The following RNF180 variants were observed in gnomAD, a reference collection of about 807,000 sequenced individuals.
The protein encoded by RNF180 is ring finger protein 180, also known as E3 ubiquitin-protein ligase RNF180.
RNF180 carries 38 observed loss-of-function variants against 59.2 expected under a neutral mutation model. That is an observed-to-expected ratio of 0.64 (90% CI 0.50 to 0.84). The LOEUF is 0.84. Ranked by LOEUF, RNF180 falls within the 40% of genes least tolerant of loss-of-function variation. The pLI, the probability that RNF180 is intolerant of heterozygous loss-of-function variation, is 0.00. For synonymous variants in RNF180, 262 were observed against 240.3 expected, an observed-to-expected ratio of 1.09 and a Z score of -0.84; for missense variants, 705 against 700.9, an observed-to-expected ratio of 1.01 and a Z score of -0.07.
chr5:64,365,928 TTGCCAAGCTG>T (rs1337002894), intron 7 of RNF180, among the ~76,000 whole-genome samples: 2 of 151,608 alleles, frequency 1.3e-5, no homozygotes, highest in African/African-American at 4.8e-5. Context: ...TTTATACAGC[TTGCCAAGCTG>T]TGCCTTTTTT....
At chr5:64,262,147 G>A (rs900604635) in intron 5 of RNF180, among the ~76,000 whole-genome samples, 13 of 151,978 alleles carry the variant, frequency 8.6e-5, no homozygotes, top group Non-Finnish European at 1.9e-4. Flanking sequence ...CCTTTGCAGT[G>A]GTAACTTACT....
At chr5:64,356,922 G>A (rs1027675534) in intron 7 of RNF180, among the ~76,000 whole-genome samples, 1 of 151,826 alleles carries the variant, frequency 6.6e-6, no homozygotes, top group African/African-American at 2.4e-5. Flanking sequence ...ACAACATTGT[G>A]AATGTAGTTA....
At position 64,344,966 on chromosome 5, in the gene RNF180, C is replaced by G. The variant is rs1416617238; in HGVS notation, c.1579+14560C>G. 6.6e-5 allele frequency among the ~76,000 whole-genome samples: 10 copies of G among 152,010 alleles called. No homozygotes were observed. In the East Asian group the frequency reaches 1.9e-3, roughly 30 times the overall value. Reference sequence around the variant, plus strand: ...GCCCCTCCTTCTTCAAGCCAGTTTACCCGTAAGCCTTGTGTTTGGGGGATT... The same window carrying G: ...GCCCCTCCTTCTTCAAGCCAGTTTAGCCGTAAGCCTTGTGTTTGGGGGATT... On this transcript the variant is annotated intron_variant, in intron 7 of 7. Transcript: ENST00000389100.
At chr5:64,369,528 G>T (rs199563135) in intron 7 of RNF180, 87 bp from the exon 8 acceptor site, 1 of 739,982 alleles carries the variant, frequency 1.4e-6, no homozygotes, top group East Asian at 3.1e-5. Context: ...ATCAGGATAT[G>T]CTTTGTTTAA....
chr5:64,191,355 T>A (rs1751148185), intron 1 of RNF180, among the ~76,000 whole-genome samples: 1 of 152,232 alleles, frequency 6.6e-6, no homozygotes, highest in Non-Finnish European at 1.5e-5. Flanking sequence ...TATAGTTCTG[T>A]GGATGTTGAC....
chr5:64,275,138 T>G lies in RNF180; in HGVS notation c.1228-50048T>G, dbSNP rs530453432. 2.0e-5 allele frequency among the ~76,000 whole-genome samples: 3 copies of G among 151,746 alleles called. No homozygotes were observed. In the East Asian group the frequency reaches 5.9e-4, roughly 30 times the overall value. On this transcript the variant is annotated intron_variant, in intron 5 of 7. Coordinates refer to ENST00000389100, the MANE Select transcript of RNF180 (RefSeq NM_001113561.2). ...TAAAAATTTATGTTTCTTTAAGAAT[T>G]AGAAATTAAAAGAATTCTGTAACAT...
At position 64,199,562 on chromosome 5, in the gene RNF180, A is replaced by T. The variant is rs753542292; in HGVS notation, c.1-1246A>T. Among the ~76,000 whole-genome samples, 3 of 152,110 alleles carry T rather than the reference A, an allele frequency of 2.0e-5. No homozygotes were observed. The South Asian group carries it at 6.2e-4, about 32-fold the overall frequency. On this transcript the variant is annotated intron_variant, in intron 1 of 7. Coordinates refer to ENST00000389100, the MANE Select transcript of RNF180 (RefSeq NM_001113561.2). Reference sequence around the variant, plus strand: ...ACTGTTGATCTGTAGCATAGTGAGCACCTCTGAGACAGAAAGAAAGTTTTA... The same window carrying T: ...ACTGTTGATCTGTAGCATAGTGAGCTCCTCTGAGACAGAAAGAAAGTTTTA...
chr5:64,225,237 C>G (rs977872778), intron 5 of RNF180, among the ~76,000 whole-genome samples: 1 of 152,334 alleles, frequency 6.6e-6, no homozygotes, highest in East Asian at 1.9e-4. Flanking sequence ...CTCTTTTGGC[C>G]TTACGCATAG....
intron 5 of RNF180, among the ~76,000 whole-genome samples, chr5:64,277,194 G>GGA (rs1554038963): frequency 5.9e-5 from 8 of 134,530 alleles, no homozygotes; most frequent in Non-Finnish European, 4.8e-5. Flanking sequence ...AAAAAAAGGG[G>GGA]AAAAAAAAAA....
At chr5:64,246,754 C>A (rs1048100811) in intron 5 of RNF180, among the ~76,000 whole-genome samples, 3 of 152,196 alleles carry the variant, frequency 2.0e-5, no homozygotes, top group Admixed American at 1.3e-4. Context: ...CTCCCAAACT[C>A]ATTTTATGGG....
chr5:64,296,808 T>C (rs976210904), intron 5 of RNF180, among the ~76,000 whole-genome samples: 1 of 152,198 alleles, frequency 6.6e-6, no homozygotes, highest in South Asian at 2.1e-4. Context: ...TTTCCAAGAC[T>C]TGTACTGTCT....
At chr5:64,248,368 G>A (rs928692555) in intron 5 of RNF180, among the ~76,000 whole-genome samples, 1 of 151,982 alleles carries the variant, frequency 6.6e-6, no homozygotes, top group African/African-American at 2.4e-5. Flanking sequence ...TCTGACAAAG[G>A]GCTAATACCC....
chr5:64,222,289 GT>G (rs61199951), intron 5 of RNF180, among the ~76,000 whole-genome samples: 76 of 151,554 alleles, frequency 5.0e-4, no homozygotes, highest in African/African-American at 6.5e-4. Flanking sequence ...TTCCAGCTAT[GT>G]TTTTTTTTAA....
At chr5:64,165,588 G>A (rs1349719415), upstream of RNF180, among the ~76,000 whole-genome samples, 1 of 152,200 alleles carries the variant, frequency 6.6e-6, no homozygotes, top group Non-Finnish European at 1.5e-5. Context: ...CTGTGGCTCT[G>A]GTAAGGGGAT....
intron 5 of RNF180, among the ~76,000 whole-genome samples, chr5:64,277,195 A>G (rs60741081): frequency 0.077 from 6,683 of 86,516 alleles, 219 homozygotes; most frequent in African/African-American, 0.17. Context: ...AAAAAAGGGG[A>G]AAAAAAAAAA....
At chr5:64,297,455 G>A (rs1471505063) in intron 5 of RNF180, among the ~76,000 whole-genome samples, 10 of 151,720 alleles carry the variant, frequency 6.6e-5, no homozygotes, top group Admixed American at 5.3e-4. Context: ...TAGAAGAAGG[G>A]CTTCTTTTTT....
chr5:64,342,309 G>T (rs1336025719), intron 7 of RNF180, among the ~76,000 whole-genome samples: 1 of 152,132 alleles, frequency 6.6e-6, no homozygotes, highest in Non-Finnish European at 1.5e-5. Flanking sequence ...AATATTGCCA[G>T]CTCTTTGCTT....
chr5:64,200,319 G>A (rs7702640), intron 1 of RNF180, among the ~76,000 whole-genome samples: 43,353 of 151,340 alleles, frequency 0.29, 6,419 homozygotes, highest in African/African-American at 0.35. Flanking sequence ...GCCAAGTGTG[G>A]TGGTGCACTC....
chr5:64,229,249 T>C (rs1422882174), intron 5 of RNF180, among the ~76,000 whole-genome samples: 1 of 152,168 alleles, frequency 6.6e-6, no homozygotes, highest in Non-Finnish European at 1.5e-5. Flanking sequence ...AAAAAATAAT[T>C]ACATATCTGT....
Sources: gnomAD v4.1 joint callset for allele counts (sites outside exome capture counted in the v4.1 genomes callset) on GRCh38, gnomAD v4.1.1 for gene constraint, MANE v1.5 for transcripts, NCBI Gene and HGNC (gene_info 2026-07-23, HGNC 2026-07-21) for gene names.